ZCCHC24: variants seen among roughly 807,000 people sequenced by gnomAD.
ZCCHC24 encodes zinc finger CCHC domain-containing protein 24.
Under a neutral mutation model 26.2 loss-of-function variants are expected in ZCCHC24, and 10 were observed. The observed-to-expected ratio is 0.38, with a 90% CI of 0.24 to 0.65. The LOEUF (loss-of-function observed/expected upper bound fraction) is 0.65. ZCCHC24 is among the 30% of genes least tolerant of loss of function. The pLI is 0.54. For synonymous variants in ZCCHC24, 144 were observed against 147.1 expected, an observed-to-expected ratio of 0.98 and a Z score of 0.15; for missense variants, 243 against 329.1, an observed-to-expected ratio of 0.74 and a Z score of 2.03.
intron 2 of ZCCHC24, among the ~76,000 whole-genome samples, chr10:79,410,129 C>A (rs1451425846): frequency 6.6e-6 from 1 of 152,248 alleles, no homozygotes; most frequent in Non-Finnish European, 1.5e-5. Context: ...GCCAGGAATA[C>A]CCTTCCCCCA....
chr10:79,399,338 C>T (rs535590211), intron 2 of ZCCHC24, among the ~76,000 whole-genome samples: 5 of 152,326 alleles, frequency 3.3e-5, no homozygotes, highest in African/African-American at 7.2e-5. Flanking sequence ...CAGAAAGGCA[C>T]GGCCTCTTCT....
At chr10:79,423,678 C>T (rs973939818) in intron 2 of ZCCHC24, among the ~76,000 whole-genome samples, 1 of 143,974 alleles carries the variant, frequency 6.9e-6, no homozygotes, top group Non-Finnish European at 1.5e-5. Context: ...CACTATTATA[C>T]CCATTTTCTC....
At chr10:79,408,441 G>A (rs539882675) in intron 2 of ZCCHC24, among the ~76,000 whole-genome samples, 1 of 152,276 alleles carries the variant, frequency 6.6e-6, no homozygotes, top group African/African-American at 2.4e-5. Context: ...ACCAGCCAGG[G>A]AGCAGGGAAG....
At chr10:79,422,426 G>A (rs558936340) in intron 2 of ZCCHC24, among the ~76,000 whole-genome samples, 148 of 152,332 alleles carry the variant, frequency 9.7e-4, no homozygotes, top group Middle Eastern at 3.4e-3. Flanking sequence ...TCTGGCCTGG[G>A]GAGGGGTGCA....
intron 3 of ZCCHC24, among the ~76,000 whole-genome samples, chr10:79,386,730 C>T (rs1439693867): frequency 6.6e-6 from 1 of 152,186 alleles, no homozygotes; most frequent in African/African-American, 2.4e-5. Context: ...CGCATGCAGG[C>T]GTCTGAGTCC....
chr10:79,387,366 C>T (rs769731548), intron 3 of ZCCHC24, among the ~76,000 whole-genome samples: 3 of 152,166 alleles, frequency 2.0e-5, no homozygotes, highest in Non-Finnish European at 4.4e-5. Flanking sequence ...AAGGCACAGA[C>T]GAGCACATTT....
intron 2 of ZCCHC24, among the ~76,000 whole-genome samples, chr10:79,396,514 T>A (rs771890354): frequency 2.8e-4 from 43 of 152,186 alleles, no homozygotes; most frequent in Middle Eastern, 3.2e-3. Context: ...TGAATTTACG[T>A]TCTCTACTAG....
At chr10:79,396,890 A>C (rs951093136) in intron 2 of ZCCHC24, among the ~76,000 whole-genome samples, 1 of 152,166 alleles carries the variant, frequency 6.6e-6, no homozygotes, top group African/African-American at 2.4e-5. Context: ...ACCATATAAG[A>C]CTGTTCTGAG....
At chr10:79,444,030 C>A in intron 1 of ZCCHC24, 2 of 1,469,230 alleles carry the variant, frequency 1.4e-6, no homozygotes, top group Non-Finnish European at 1.8e-6. Flanking sequence ...CCTCTCTTAC[C>A]CCCAGCACAC....
At chr10:79,406,147 C>T (rs765747646) in intron 2 of ZCCHC24, among the ~76,000 whole-genome samples, 2 of 152,220 alleles carry the variant, frequency 1.3e-5, no homozygotes, top group African/African-American at 2.4e-5. Flanking sequence ...TAGGTAGCTT[C>T]ATTGTGATCC....
intron 2 of ZCCHC24, among the ~76,000 whole-genome samples, chr10:79,405,437 G>T (rs1277360114): frequency 6.6e-6 from 1 of 152,242 alleles, no homozygotes; most frequent in Non-Finnish European, 1.5e-5. Flanking sequence ...GCAGAAGTTA[G>T]GGCAGGGTGG....
chr10:79,419,383 G>A (rs531114939), intron 2 of ZCCHC24, among the ~76,000 whole-genome samples: 47 of 152,318 alleles, frequency 3.1e-4, no homozygotes, highest in Admixed American at 2.3e-3. Context: ...TGGGCAACAC[G>A]GCGAAGGACA....
chr10:79,425,684 A>C (rs1451064065), intron 2 of ZCCHC24, among the ~76,000 whole-genome samples: 1 of 152,194 alleles, frequency 6.6e-6, no homozygotes, highest in Non-Finnish European at 1.5e-5. Flanking sequence ...GAAGATCACT[A>C]TAGTACCTAC....
At chr10:79,407,280 G>A (rs1485568932) in intron 2 of ZCCHC24, among the ~76,000 whole-genome samples, 30 of 152,176 alleles carry the variant, frequency 2.0e-4, no homozygotes, top group Admixed American at 2.0e-3. Flanking sequence ...TGGGAGCCAG[G>A]CTGACTGTTG....
In ZCCHC24 at chr10:79,415,014, C is replaced by T. The variant is rs182430858; in HGVS notation, c.447+17544G>A. Among the ~76,000 whole-genome samples the T allele has an allele frequency of 2.2e-3, 329 of 152,294 alleles. 2 individuals carry two copies. The highest frequency in any genetic ancestry group is 7.6e-3 in the African/African-American group (316 of 41,560). On this transcript the variant is annotated intron_variant, in intron 2 of 3. Coordinates refer to ENST00000372336, the MANE Select transcript of ZCCHC24 (RefSeq NM_153367.4). Reference sequence around the variant, plus strand: ...TTCCTCTACCTGGACCCCTTGGGTCCAGGTTTCCTGTCCCTGACTCACCGC... The same window carrying T: ...TTCCTCTACCTGGACCCCTTGGGTCTAGGTTTCCTGTCCCTGACTCACCGC...
intron 2 of ZCCHC24, among the ~76,000 whole-genome samples, chr10:79,401,167 G>A (rs115559326): frequency 0.012 from 1,784 of 152,328 alleles, 38 homozygotes; most frequent in African/African-American, 0.041. Context: ...CACGGCCTCT[G>A]CCCTCTGGAT....
chr10:79,444,939 G>C (rs1430209153), intron 1 of ZCCHC24, among the ~76,000 whole-genome samples: 1 of 152,208 alleles, frequency 6.6e-6, no homozygotes, highest in Non-Finnish European at 1.5e-5. Flanking sequence ...CCCTGGCAGG[G>C]AGAGGGGGCG....
chr10:79,401,096 C>T (rs1407405107), intron 2 of ZCCHC24, among the ~76,000 whole-genome samples: 1 of 152,262 alleles, frequency 6.6e-6, no homozygotes, highest in East Asian at 1.9e-4. Context: ...AGGGTGGGCA[C>T]TGAGAGCCTG....
chr10:79,440,702 A>G (rs1395753074), intron 1 of ZCCHC24, among the ~76,000 whole-genome samples: 2 of 152,206 alleles, frequency 1.3e-5, no homozygotes, highest in Admixed American at 1.3e-4. Flanking sequence ...GAGGCCATGA[A>G]TAGAGCACCA....
Sources: gnomAD v4.1 joint callset for allele counts (sites outside exome capture counted in the v4.1 genomes callset) on GRCh38, gnomAD v4.1.1 for gene constraint, MANE v1.5 for transcripts, NCBI Gene and HGNC (gene_info 2026-07-23, HGNC 2026-07-21) for gene names.